ABCG1: variants seen among roughly 807,000 people sequenced by gnomAD.
ABCG1 encodes ATP binding cassette subfamily G member 1.
A neutral mutation model predicts 69.2 loss-of-function variants in ABCG1; 29 were observed. The observed-to-expected ratio is 0.42, with a 90% CI of 0.31 to 0.57. The LOEUF (loss-of-function observed/expected upper bound fraction) is 0.57, where lower values mean the gene tolerates loss of function less well. Among genes scored for constraint, ABCG1 ranks in the 20% least tolerant of loss-of-function variants. The pLI, the probability that ABCG1 is intolerant of heterozygous loss-of-function variation, is 0.15. For missense variants in ABCG1, 718 were observed against 898.1 expected, an observed-to-expected ratio of 0.80 and a Z score of 2.56; for synonymous variants, 370 against 374.8, an observed-to-expected ratio of 0.99 and a Z score of 0.15.
chr21:42,268,407 C>G (rs2068556903), intron 2 of ABCG1, among the ~76,000 whole-genome samples: 1 of 131,442 alleles, frequency 7.6e-6, no homozygotes. Flanking sequence ...GCGCTGGATA[C>G]TCAGGAAACC....
chr21:42,267,644 G>T (rs1267613316), intron 2 of ABCG1, among the ~76,000 whole-genome samples: 1 of 150,946 alleles, frequency 6.6e-6, no homozygotes, highest in African/African-American at 2.4e-5. Context: ...TGTGGTCTGG[G>T]TTCTGTCTGG....
chr21:42,212,704 GA>G, upstream of ABCG1, among the ~76,000 whole-genome samples: 1 of 140,540 alleles, frequency 7.1e-6, no homozygotes, highest in African/African-American at 2.8e-5. Context: ...ATTAAAAACA[GA>G]TTTTTTTTTT....
chr21:42,267,511 AGTTCTGTCTGGGTCTGGTCTGG>A (rs1240680357), intron 2 of ABCG1, among the ~76,000 whole-genome samples: 29 of 54,656 alleles, frequency 5.3e-4, no homozygotes, highest in African/African-American at 2.2e-3. Context: ...GTGTGGTCTG[AGTTCTGTCTGGGTCTGGTCTGG>A]GTTCTGTCTG....
chr21:42,223,911 T>C (rs2123513860), intron 1 of ABCG1, among the ~76,000 whole-genome samples: 1 of 152,278 alleles, frequency 6.6e-6, no homozygotes, highest in Middle Eastern at 3.4e-3. Flanking sequence ...ACACCTGCAA[T>C]GGGTGCCTGG....
At chr21:42,266,232 C>T (rs2068502755) in intron 2 of ABCG1, among the ~76,000 whole-genome samples, 1 of 152,040 alleles carries the variant, frequency 6.6e-6, no homozygotes, top group Non-Finnish European at 1.5e-5. Context: ...ACCCAAGAGG[C>T]AGAGTTTGCA....
At chr21:42,233,025 T>C (rs550266340) in intron 2 of ABCG1, among the ~76,000 whole-genome samples, 3 of 152,352 alleles carry the variant, frequency 2.0e-5, no homozygotes, top group Admixed American at 1.3e-4. Flanking sequence ...AACACCTGCA[T>C]AGGAAACTTA....
In ABCG1 at chr21:42,282,489, G is replaced by T; in HGVS notation, c.734+70G>T. The stretch of plus-strand genomic sequence containing the variant: ...CCCCTGTATTCAGCGGTTCTTCCAG[G>T]TGACCCTGACATCCTGATGTAGCCT... On this transcript the variant is annotated intron_variant, in intron 6 of 14. Transcript: ENST00000398449. 7 of 1,525,424 alleles carry T rather than the reference G, an allele frequency of 4.6e-6. No individual in the cohort carries two copies. The South Asian group carries it at 7.5e-5, about 16-fold the overall frequency. The allele number at this position is 1,525,424 out of a possible 1,614,324, so 94.5% of individuals were successfully genotyped here. A position where few individuals can be genotyped will look rare whatever the true frequency, so the allele number is the denominator to read the frequency against.
Position 42,225,731 on chromosome 21 carries a change from G to A in ABCG1, c.103G>A (p.Glu35Lys), listed in dbSNP as rs372754065. The change falls in exon 2 of 15, where the codon GAG becomes AAG. Residue 35 changes from glutamate to lysine, a missense_variant. Around this residue, in one of 2 missense-constraint regions of ABCG1, gnomAD observed 514 missense variants for 574.3 expected, o/e 0.90. Transcript: ENST00000398449. Reference protein sequence around the residue: ...EPKSVCVSVDEVVSSNMEATE... With the variant: ...EPKSVCVSVDKVVSSNMEATE... ...CAAGTCGGTGTGTGTCTCGGTGGAT[G>A]AGGTGGTGTCCAGCAACATGGAGGC... is the stretch of plus-strand genomic sequence containing the variant. 2 of 1,613,808 alleles carry A rather than the reference G, an allele frequency of 1.2e-6. No homozygotes were observed. The highest frequency in any genetic ancestry group is 1.7e-6 in the Non-Finnish European group (2 of 1,180,006).
At chr21:42,250,712 A>C (rs567422152) in intron 2 of ABCG1, among the ~76,000 whole-genome samples, 95 of 152,330 alleles carry the variant, frequency 6.2e-4, no homozygotes, top group Non-Finnish European at 1.2e-3. Context: ...GGTACCCTCC[A>C]TGTGGGCCAT....
chr21:42,254,119 TG>T (rs1189245430), intron 2 of ABCG1, among the ~76,000 whole-genome samples: 2 of 151,946 alleles, frequency 1.3e-5, no homozygotes, highest in Middle Eastern at 6.3e-3. Context: ...GAAGTATGGA[TG>T]GGGAATGCTG....
At chr21:42,269,229 G>A (rs920828083) in intron 2 of ABCG1, among the ~76,000 whole-genome samples, 9 of 152,204 alleles carry the variant, frequency 5.9e-5, no homozygotes, top group Non-Finnish European at 1.0e-4. Context: ...CCAGCACTTA[G>A]TGCTTTCTTG....
At chr21:42,234,027 T>A (rs1160272698) in intron 2 of ABCG1, among the ~76,000 whole-genome samples, 1 of 152,218 alleles carries the variant, frequency 6.6e-6, no homozygotes, top group Non-Finnish European at 1.5e-5. Flanking sequence ...AGAAGTGTTT[T>A]TTTTTGTTGT....
At chr21:42,284,274 G>T (rs1027811149) in intron 6 of ABCG1, among the ~76,000 whole-genome samples, 3 of 151,492 alleles carry the variant, frequency 2.0e-5, no homozygotes, top group Non-Finnish European at 4.4e-5. Flanking sequence ...TCCCTGCCCA[G>T]ATGAGTGGGG....
At chr21:42,200,130 C>T (rs919698598) in intron 1 of ABCG1, among the ~76,000 whole-genome samples, 1 of 152,116 alleles carries the variant, frequency 6.6e-6, no homozygotes, top group Non-Finnish European at 1.5e-5. Context: ...ACTTGGGGTC[C>T]GGTGTGAGGA....
intron 4 of ABCG1, among the ~76,000 whole-genome samples, chr21:42,274,545 G>T (rs2068676770): frequency 6.9e-6 from 1 of 145,896 alleles, no homozygotes. Flanking sequence ...CACGATCTCA[G>T]CTCACTGCAA....
chr21:42,291,433 C>G lies in ABCG1; in HGVS notation c.1495-65C>G. The stretch of plus-strand genomic sequence containing the variant: ...CGGGGAAGGGCTGGCTGCCCAGGAG[C>G]TTTGCTGTTGGCCTGCTGTGGTGGG... On this transcript the variant is annotated intron_variant, in intron 12 of 14. Coordinates refer to ENST00000398449, the MANE Select transcript of ABCG1 (RefSeq NM_016818.3). This position sits in a 1 kb window ranked among gnomAD's most constrained non-coding sequence, Gnocchi z 6.4. 1 of 1,563,514 alleles carries G rather than the reference C, an allele frequency of 6.4e-7. No individual in the cohort carries two copies. Among genetic ancestry groups the G allele is most frequent in the South Asian group, 1.2e-5 (1 of 83,908 alleles).
rs775187310 is a variant in ABCG1, at chr21:42,219,939, C to A, written c.42+635C>A. The A allele has an allele frequency of 5.8e-6, 9 of 1,551,038 alleles. No homozygotes were observed. In the African/African-American group the frequency reaches 1.2e-4, roughly 21 times the overall value. ...GATTCCTGCCGGCCGCCTTTCTGCG[C>A]GCGCCGGAGAGAGAGACGCGGTGGG... On this transcript the variant is annotated intron_variant, in intron 1 of 14. Coordinates refer to ENST00000398449, the MANE Select transcript of ABCG1 (RefSeq NM_016818.3). This position sits in a 1 kb window ranked among gnomAD's most constrained non-coding sequence, Gnocchi z 5.3.
At chr21:42,215,829 G>T (rs1202176956), upstream of ABCG1, among the ~76,000 whole-genome samples, 11 of 152,310 alleles carry the variant, frequency 7.2e-5, no homozygotes, top group East Asian at 2.1e-3. Context: ...GAGCAGTCAG[G>T]GTGATAGGGA....
At chr21:42,239,198 C>T (rs953824825) in intron 2 of ABCG1, among the ~76,000 whole-genome samples, 5 of 152,150 alleles carry the variant, frequency 3.3e-5, no homozygotes, top group African/African-American at 9.7e-5. Flanking sequence ...TTGGCTCCAC[C>T]GCCTACTAGC....
Sources: gnomAD v4.1 joint callset for allele counts (sites outside exome capture counted in the v4.1 genomes callset) on GRCh38, gnomAD v4.1.1 for gene constraint, gnomAD v4.1.1 regional missense constraint, Gnocchi (gnomAD v3.1) non-coding constraint, MANE v1.5 for transcripts, NCBI Gene and HGNC (gene_info 2026-07-23, HGNC 2026-07-21) for gene names.